CUL9: variants seen among roughly 807,000 people sequenced by gnomAD.
The protein encoded by CUL9 is cullin 9.
A neutral mutation model predicts 272.6 loss-of-function variants in CUL9; 79 were observed. That is an observed-to-expected ratio of 0.29 (90% CI 0.24 to 0.35). The LOEUF is 0.35. Ranked by LOEUF, CUL9 falls within the 10% of genes least tolerant of loss-of-function variation. The pLI, the probability that CUL9 is intolerant of heterozygous loss-of-function variation, is 1.00. For synonymous variants in CUL9, 1,186 were observed against 1,286.5 expected, an observed-to-expected ratio of 0.92 and a Z score of 1.67; for missense variants, 2,532 against 3,255.6, an observed-to-expected ratio of 0.78 and a Z score of 5.41.
At position 43,206,065 on chromosome 6, in the gene CUL9, C is replaced by T; in HGVS notation, c.4852C>T (p.Leu1618=). 1 of 1,614,158 alleles carries T rather than the reference C, an allele frequency of 6.2e-7. No homozygotes were observed. The highest frequency in any genetic ancestry group is 8.5e-7 in the Non-Finnish European group (1 of 1,180,030). ...TTCGAGCTGGCTGGAGGGGGCTGTG[C>T]TAGAGCAGATTGGCCTCTGTTTTCC... ...FGSSWLEGAV[L]EQIGLCFPNR... is the part of the protein sequence containing the mutation. The change falls in exon 25 of 41, where the codon CTA becomes TTA. Residue 1618 remains leucine, a synonymous_variant. Coordinates refer to ENST00000252050, the MANE Select transcript of CUL9 (RefSeq NM_015089.4). This position sits in a 1 kb window ranked among gnomAD's most constrained non-coding sequence, Gnocchi z 4.8.
Position 43,187,737 on chromosome 6 carries a change from G to A in CUL9, c.1606G>A (p.Glu536Lys). The A allele has an allele frequency of 6.2e-7, 1 of 1,613,016 alleles. No individual in the cohort carries two copies. The highest frequency in any genetic ancestry group is 8.5e-7 in the Non-Finnish European group (1 of 1,179,980). ...DETLGEKALG[E>K]ISVSVEMAES... Reference sequence around the variant, plus strand: ...GACCCTGGGTGAAAAGGCCCTAGGTGAGATCTCTGTGTCCGTGGAAATGGC... The same window carrying A: ...GACCCTGGGTGAAAAGGCCCTAGGTAAGATCTCTGTGTCCGTGGAAATGGC... The change falls in exon 7 of 41, where the codon GAG (glutamate) becomes AAG (lysine). Residue 536 changes from glutamate to lysine, a missense_variant. Transcript: ENST00000252050.
Position 43,198,760 on chromosome 6 carries a change from C to T in CUL9, c.2955C>T (p.Leu985=). The T allele has an allele frequency of 6.2e-7, 1 of 1,614,056 alleles. No homozygotes were observed. The highest frequency in any genetic ancestry group is 8.5e-7 in the Non-Finnish European group (1 of 1,180,026). Residue 985 remains leucine, a synonymous_variant, in exon 12 of 41, where the codon CTC becomes CTT. Transcript: ENST00000252050. ...GSPGGAVRPL[L]KRLQQETQPF... ...CCGGAGGTGCCGTGAGGCCCCTCCT[C>T]AAGCGCCTCCAGCAGGAGACCCAGC...
chr6:43,204,303 G>A, intron 20 of CUL9, 57 bp from the exon 21 acceptor site: 2 of 1,589,522 alleles, frequency 1.3e-6, no homozygotes, highest in Non-Finnish European at 1.7e-6. Flanking sequence ...CCTCTGCCCT[G>A]AGCTGTCTGT....
In CUL9 at chr6:43,224,242, C is replaced by A; in HGVS notation, c.7359-8C>A. The A allele has an allele frequency of 6.2e-7, 1 of 1,614,116 alleles. No individual in the cohort carries two copies. The highest frequency in any genetic ancestry group is 8.5e-7 in the Non-Finnish European group (1 of 1,179,996). ...CTCCTCTGGGCTGAGTGTGGTGGCT[C>A]TCCCTAGGCCCCAGGCCTCCTCAGG... On this transcript the variant is annotated splice_polypyrimidine_tract_variant and splice_region_variant and intron_variant, in intron 40 of 40. Coordinates refer to ENST00000252050, the MANE Select transcript of CUL9 (RefSeq NM_015089.4). This position sits in a 1 kb window ranked among gnomAD's most constrained non-coding sequence, Gnocchi z 4.2.
At position 43,222,644 on chromosome 6, in the gene CUL9, G is replaced by A. The variant is rs769226206; in HGVS notation, c.7032+3G>A. 6.2e-6 allele frequency: 10 copies of A among 1,611,630 alleles called. No homozygotes were observed. Among genetic ancestry groups the A allele is most frequent in the South Asian group, 5.5e-5 (5 of 91,076 alleles). On this transcript the variant is annotated splice_donor_region_variant and intron_variant, in intron 37 of 40. Transcript: ENST00000252050. ...AGGGACTGGAGCAGGCTCGGAAGGT[G>A]GTAGCGGGTGGGGGAAGAGAGCAGG...
chr6:43,204,034 T>G, intron 20 of CUL9, 47 bp downstream of exon 20: 1 of 1,540,658 alleles, frequency 6.5e-7, no homozygotes, highest in Non-Finnish European at 8.8e-7. Context: ...CTTGTCCTTA[T>G]TCCCAGGGAT....
chr6:43,193,668 T>A (rs2150548387), intron 9 of CUL9, among the ~76,000 whole-genome samples: 1 of 152,262 alleles, frequency 6.6e-6, no homozygotes, highest in South Asian at 2.1e-4. Flanking sequence ...TGCCTTAGCC[T>A]CCTGGGATTA....
intron 11 of CUL9, 124 bp from the exon 12 acceptor site, chr6:43,198,485 C>T (rs1774209502): frequency 2.0e-6 from 3 of 1,510,342 alleles, no homozygotes; most frequent in Non-Finnish European, 2.6e-6. Context: ...TGGTTAAAAA[C>T]TATAGACATC....
At chr6:43,194,780 GT>G (rs1191163985) in intron 9 of CUL9, among the ~76,000 whole-genome samples, 4 of 152,182 alleles carry the variant, frequency 2.6e-5, no homozygotes, top group Non-Finnish European at 5.9e-5. Flanking sequence ...AAATGGCTGA[GT>G]GTGGTGGCTC....
At position 43,196,750 on chromosome 6, in the gene CUL9, G is replaced by C; in HGVS notation, c.2691G>C (p.Leu897Phe). ...TAACCCAAGAGCTGAGAGACACGTT[G>C]TTTAGGCACTCAGGGATAGCACCAA... is the stretch of plus-strand genomic sequence containing the variant. ...QIITQELRDT[L>F]FRHSGIAPRT... is the part of the protein sequence containing the mutation. Residue 897 changes from leucine (L) to phenylalanine (F), a missense_variant, in exon 11 of 41, where the codon TTG (leucine) becomes TTC (phenylalanine). Leu to Phe is a conservative substitution (Grantham distance 22). Around this residue, in one of 3 missense-constraint regions of CUL9, gnomAD observed 2,218 missense variants for 2,788.6 expected, o/e 0.80. Transcript: ENST00000252050. 2 of 1,614,196 alleles carry C rather than the reference G, an allele frequency of 1.2e-6. No homozygotes were observed. The highest frequency in any genetic ancestry group is 1.7e-6 in the Non-Finnish European group (2 of 1,180,028).
rs1774741977 is a variant in CUL9 at position 43,203,048 on chromosome 6, A to G, written c.3754-61A>G. 5 of 1,586,388 alleles carry G rather than the reference A, an allele frequency of 3.2e-6. No individual in the cohort carries two copies. Among genetic ancestry groups the G allele is most frequent in the African/African-American group, 1.3e-5 (1 of 74,140 alleles). On this transcript the variant is annotated intron_variant, in intron 17 of 40. Coordinates refer to ENST00000252050, the MANE Select transcript of CUL9 (RefSeq NM_015089.4). This position sits in a 1 kb window ranked among gnomAD's most constrained non-coding sequence, Gnocchi z 5.0. The stretch of plus-strand genomic sequence containing the variant: ...ATGACCGACTTGGTTACTGTCAACA[A>G]TTTTTCCAACCTTGTTTCTGGAGGT...
In CUL9 at chr6:43,200,977, G is replaced by A. The variant is rs191601807; in HGVS notation, c.3647+143G>A. 4 of 1,044,306 alleles carry A rather than the reference G, an allele frequency of 3.8e-6. No individual in the cohort carries two copies. In the African/African-American group the frequency reaches 4.7e-5, roughly 12 times the overall value. The allele number at this position is 1,044,306 out of a possible 1,614,324, so 64.7% of individuals were successfully genotyped here. A position where few individuals can be genotyped will look rare whatever the true frequency, so the allele number is the denominator to read the frequency against. ...TGTGCAGTGAACACATAGACACATTGACCTGCCTTTGCTGAGTATAGACAT... is the reference window on the plus strand; with the variant it reads ...TGTGCAGTGAACACATAGACACATTAACCTGCCTTTGCTGAGTATAGACAT... On this transcript the variant is annotated intron_variant, in intron 16 of 40. Transcript: ENST00000252050. The surrounding 1 kb of genome is among the most constrained non-coding windows in gnomAD (Gnocchi z 4.0).
Position 43,204,363 on chromosome 6 carries a change from C to T in CUL9, c.4163C>T (p.Ala1388Val), listed in dbSNP as rs760520407. ...TTCCTGACCTGTCTTCTTTCAGATG[C>T]GGAAGGCGTGAGTGCCCTGGGATGG... The part of the protein sequence containing the change: ...PLVQNITSPD[A>V]EGVSALGWLL... Residue 1388 changes from alanine to valine, a missense_variant, in exon 21 of 41, where the codon GCG (alanine) becomes GTG (valine). Around this residue, in one of 3 missense-constraint regions of CUL9, gnomAD observed 2,218 missense variants for 2,788.6 expected, o/e 0.80. Coordinates refer to ENST00000252050, the MANE Select transcript of CUL9 (RefSeq NM_015089.4). 1.4e-5 allele frequency: 22 copies of T among 1,613,532 alleles called. No homozygotes were observed. The highest frequency in any genetic ancestry group is 6.6e-5 in the South Asian group (6 of 91,082).
At position 43,213,474 on chromosome 6, in the gene CUL9, C is replaced by G. The variant is rs1775690180; in HGVS notation, c.5395C>G (p.Leu1799Val). 1.2e-6 allele frequency: 2 copies of G among 1,613,962 alleles called. No individual in the cohort carries two copies. The highest frequency in any genetic ancestry group is 1.3e-5 in the African/African-American group (1 of 74,882). The part of the protein sequence containing the change: ...SVETLLKDSD[L>V]SPELLLQALV... The stretch of plus-strand genomic sequence containing the variant: ...AGAGACCTTGCTGAAGGATTCTGAC[C>G]TCTCCCCAGAGCTGCTGCTCCAGGC... The change falls in exon 28 of 41, where the codon CTC (leucine) becomes GTC (valine). Residue 1799 changes from leucine to valine, a missense_variant. Physicochemically the swap from Leu to Val is conservative, Grantham distance 32. Transcript: ENST00000252050. The surrounding 1 kb of genome is among the most constrained non-coding windows in gnomAD (Gnocchi z 5.7).
In CUL9 at chr6:43,213,976, A is replaced by G; in HGVS notation, c.5688+64A>G. On this transcript the variant is annotated intron_variant, in intron 29 of 40. Coordinates refer to ENST00000252050, the MANE Select transcript of CUL9 (RefSeq NM_015089.4). This position sits in a 1 kb window ranked among gnomAD's most constrained non-coding sequence, Gnocchi z 5.7. Reference sequence around the variant, plus strand: ...GAGTCATGCTTGGGATTGGGGATGAACACAGTGAACTCTTTCAATATAAGA... The same window carrying G: ...GAGTCATGCTTGGGATTGGGGATGAGCACAGTGAACTCTTTCAATATAAGA... 6.6e-7 allele frequency: 1 copy of G among 1,509,500 alleles called. No individual in the cohort carries two copies. Among genetic ancestry groups the G allele is most frequent in the Non-Finnish European group, 9.2e-7 (1 of 1,087,284 alleles). The allele number at this position is 1,509,500 out of a possible 1,614,324, so 93.5% of individuals were successfully genotyped here.
At position 43,200,799 on chromosome 6, in the gene CUL9, C is replaced by T; in HGVS notation, c.3612C>T (p.Tyr1204=). ...CCAACGGCAGCACCGGCTCCCACTA[C>T]ATCACCCTGCACATGCACCGTGGTG... ...WESNGSTGSH[Y]ITLHMHRGVL... is the part of the protein sequence containing the mutation. The change falls in exon 16 of 41, where the codon TAC becomes TAT. Residue 1204 remains tyrosine, a synonymous_variant. Coordinates refer to ENST00000252050, the MANE Select transcript of CUL9 (RefSeq NM_015089.4). This position sits in a 1 kb window ranked among gnomAD's most constrained non-coding sequence, Gnocchi z 4.0. 1 of 1,614,264 alleles carries T rather than the reference C, an allele frequency of 6.2e-7. No homozygotes were observed. The highest frequency in any genetic ancestry group is 8.5e-7 in the Non-Finnish European group (1 of 1,180,052).
At chr6:43,209,171 A>G in intron 26 of CUL9, among the ~76,000 whole-genome samples, 1 of 127,554 alleles carries the variant, frequency 7.8e-6, no homozygotes. Context: ...TTGGAAACGG[A>G]GTCTCACTGT....
Position 43,221,409 on chromosome 6 carries a change from G to C in CUL9, c.6752+88G>C. ...GAGGGGGGAACGGGCTTAGTGTAAA[G>C]CTCAGCAAAAGAGGGTGGTTCCTCA... On this transcript the variant is annotated intron_variant, in intron 34 of 40. Coordinates refer to ENST00000252050, the MANE Select transcript of CUL9 (RefSeq NM_015089.4). The surrounding 1 kb of genome is among the most constrained non-coding windows in gnomAD (Gnocchi z 4.2). The C allele has an allele frequency of 1.4e-6, 2 of 1,450,302 alleles. No homozygotes were observed. Among genetic ancestry groups the C allele is most frequent in the Non-Finnish European group, 9.2e-7 (1 of 1,088,400 alleles). 89.8% of individuals were successfully genotyped at this position (1,450,302 alleles called of 1,614,324 possible). A position where few individuals can be genotyped will look rare whatever the true frequency, so the allele number is the denominator to read the frequency against.
chr6:43,209,578 G>A (rs1775314091), intron 26 of CUL9, among the ~76,000 whole-genome samples: 1 of 152,200 alleles, frequency 6.6e-6, no homozygotes, highest in African/African-American at 2.4e-5. Flanking sequence ...ATCTGGAACA[G>A]TTCCCCATCC....
Sources: gnomAD v4.1 joint callset for allele counts (sites outside exome capture counted in the v4.1 genomes callset) on GRCh38, gnomAD v4.1.1 for gene constraint, gnomAD v4.1.1 regional missense constraint, Gnocchi (gnomAD v3.1) non-coding constraint, MANE v1.5 for transcripts, NCBI Gene and HGNC (gene_info 2026-07-23, HGNC 2026-07-21) for gene names.